The following ASTN2 variants were observed in gnomAD, a reference collection of about 807,000 sequenced individuals.
ASTN2 encodes the protein astrotactin 2, also known as astrotactin-2.
Under a neutral mutation model 139.8 loss-of-function variants are expected in ASTN2, and 54 were observed. The ratio of observed to expected loss-of-function variants is 0.39; its 90% CI spans 0.31 to 0.48. The LOEUF (loss-of-function observed/expected upper bound fraction) is 0.48. Among genes scored for constraint, ASTN2 ranks in the 20% least tolerant of loss-of-function variants. The probability of loss-of-function intolerance (pLI) is 0.95; values close to 1 mark genes in which losing one functional copy is unlikely to be tolerated. For synonymous variants in ASTN2, 756 were observed against 719.5 expected (o/e 1.05, Z -0.81); for missense variants, 1,565 against 1,725.1 (o/e 0.91, Z 1.64).
chr9:116,971,931 A>T (rs1054498777), intron 10 of ASTN2, among the ~76,000 whole-genome samples: 2 of 152,208 alleles, frequency 1.3e-5, no homozygotes, highest in African/African-American at 2.4e-5. Context: ...TAAGATTTGC[A>T]CTCAGCCAAT....
At chr9:117,282,608 C>T (rs1314037592) in intron 2 of ASTN2, among the ~76,000 whole-genome samples, 1 of 149,678 alleles carries the variant, frequency 6.7e-6, no homozygotes, top group African/African-American at 2.6e-5. Context: ...CTGGGCTTGG[C>T]CATGTGATGT....
At chr9:117,316,508 C>T (rs765105107) in intron 1 of ASTN2, among the ~76,000 whole-genome samples, 3 of 152,114 alleles carry the variant, frequency 2.0e-5, no homozygotes, top group Non-Finnish European at 4.4e-5. Context: ...GGTCATGTGA[C>T]GGCTCATCGA....
chr9:117,269,171 T>C (rs1324112551), intron 2 of ASTN2, among the ~76,000 whole-genome samples: 1 of 152,144 alleles, frequency 6.6e-6, no homozygotes, highest in Non-Finnish European at 1.5e-5. Flanking sequence ...GAGGCCAAAT[T>C]AAGAATCCAA....
At chr9:117,043,172 G>A (rs1176915362) in intron 5 of ASTN2, among the ~76,000 whole-genome samples, 1 of 152,030 alleles carries the variant, frequency 6.6e-6, no homozygotes, top group Non-Finnish European at 1.5e-5. Flanking sequence ...TGCCTGGCCA[G>A]CATTGAGTTT....
At chr9:117,300,622 A>C in intron 1 of ASTN2, among the ~76,000 whole-genome samples, 1 of 152,154 alleles carries the variant, frequency 6.6e-6, no homozygotes, top group East Asian at 1.9e-4. Context: ...AAGCAGGGAG[A>C]GTCTATAATC....
At chr9:117,083,043 T>A (rs759205098) in intron 5 of ASTN2, among the ~76,000 whole-genome samples, 1 of 152,202 alleles carries the variant, frequency 6.6e-6, no homozygotes, top group African/African-American at 2.4e-5. Flanking sequence ...TGGAATAATA[T>A]ATTTATTCAT....
chr9:116,858,340 G>T (rs993530782), intron 11 of ASTN2, among the ~76,000 whole-genome samples: 1 of 152,206 alleles, frequency 6.6e-6, no homozygotes, highest in South Asian at 2.1e-4. Context: ...TAAGGAGGAC[G>T]CATTGTGTTT....
intron 16 of ASTN2, among the ~76,000 whole-genome samples, chr9:116,676,087 A>C (rs1588176476): frequency 6.6e-6 from 1 of 152,274 alleles, no homozygotes. Context: ...TTCTCTTGTA[A>C]AGTGGCTTGA....
chr9:116,728,018 G>A (rs779850537), intron 15 of ASTN2, among the ~76,000 whole-genome samples: 15 of 152,116 alleles, frequency 9.9e-5, no homozygotes, highest in African/African-American at 2.7e-4. Context: ...ATAATTAGAG[G>A]ACACTCAGAC....
chr9:116,612,250 TA>T (rs1564153478), intron 19 of ASTN2: 2 of 152,138 alleles, frequency 1.3e-5, no homozygotes, highest in Non-Finnish European at 2.9e-5. Flanking sequence ...CAAAGAGACT[TA>T]GACTCCCACA....
intron 17 of ASTN2, among the ~76,000 whole-genome samples, chr9:116,628,494 G>C (rs761664143): frequency 9.2e-5 from 14 of 152,030 alleles, no homozygotes; most frequent in Admixed American, 2.0e-4. Context: ...TCCCATCCTA[G>C]ATATACTGAC....
chr9:116,511,254 A>G (rs1850363906), intron 19 of ASTN2, among the ~76,000 whole-genome samples: 1 of 152,170 alleles, frequency 6.6e-6, no homozygotes, highest in Non-Finnish European at 1.5e-5. Flanking sequence ...GCATCTATTG[A>G]GATAATCATG....
intron 4 of ASTN2, among the ~76,000 whole-genome samples, chr9:117,108,950 G>A (rs1829177688): frequency 6.6e-6 from 1 of 152,090 alleles, no homozygotes; most frequent in Non-Finnish European, 1.5e-5. Context: ...TCATAATCAA[G>A]ATTCAATAGT....
chr9:117,241,316 A>G (rs1282980192), intron 2 of ASTN2, among the ~76,000 whole-genome samples: 3 of 152,166 alleles, frequency 2.0e-5, no homozygotes, highest in African/African-American at 7.2e-5. Context: ...TAAAGGATCC[A>G]TCTGGTTTCA....
chr9:116,509,083 T>C (rs1311932962), intron 19 of ASTN2, among the ~76,000 whole-genome samples: 14 of 152,190 alleles, frequency 9.2e-5, no homozygotes, highest in Admixed American at 9.2e-4. Flanking sequence ...TATGTATACA[T>C]GTGCCATGTT....
chr9:116,490,695 C>A (rs139330892), intron 19 of ASTN2, among the ~76,000 whole-genome samples: 17 of 152,218 alleles, frequency 1.1e-4, no homozygotes, highest in African/African-American at 4.1e-4. Context: ...GGGGAAATAG[C>A]CCCTTATAAA....
At chr9:117,004,707 G>A (rs947613332) in intron 7 of ASTN2, among the ~76,000 whole-genome samples, 1 of 152,132 alleles carries the variant, frequency 6.6e-6, no homozygotes, top group Admixed American at 6.5e-5. Context: ...AGTTTTTCGT[G>A]CAAGCCAGCC....
At chr9:116,570,383 G>C (rs1163325217) in intron 19 of ASTN2, among the ~76,000 whole-genome samples, 1 of 145,878 alleles carries the variant, frequency 6.9e-6, no homozygotes, top group Non-Finnish European at 1.5e-5. Flanking sequence ...TTAACATGAG[G>C]GCTTTTAGTC....
At chr9:117,221,938 A>G (rs1194176187) in intron 2 of ASTN2, among the ~76,000 whole-genome samples, 1 of 152,230 alleles carries the variant, frequency 6.6e-6, no homozygotes, top group Non-Finnish European at 1.5e-5. Flanking sequence ...CTGGAGACAG[A>G]ATATGCAGCC....
Sources: gnomAD v4.1 joint callset for allele counts (sites outside exome capture counted in the v4.1 genomes callset) on GRCh38, gnomAD v4.1.1 for gene constraint, MANE v1.5 for transcripts, NCBI Gene and HGNC (gene_info 2026-07-23, HGNC 2026-07-21) for gene names.